PAPPA2: variants seen among roughly 807,000 people sequenced by gnomAD.
PAPPA2 encodes pappalysin-2.
A neutral mutation model predicts 176.4 loss-of-function variants in PAPPA2; 86 were observed. That is an observed-to-expected ratio of 0.49 (90% confidence interval 0.41 to 0.58). The LOEUF is 0.58. Among genes scored for constraint, PAPPA2 ranks in the 20% least tolerant of loss-of-function variants. The pLI is 0.00. For missense variants in PAPPA2, 2,073 were observed against 2,256.9 expected (o/e 0.92, Z 1.65); for synonymous variants, 809 against 852.2 (o/e 0.95, Z 0.88).
chr1:176,724,493 G>A (rs1185345506), intron 12 of PAPPA2, among the ~76,000 whole-genome samples: 1 of 152,074 alleles, frequency 6.6e-6, no homozygotes, highest in Non-Finnish European at 1.5e-5. Flanking sequence ...TATTTTCGTG[G>A]CTCCTCTAAA....
chr1:176,673,157 G>A (rs1659104127), intron 4 of PAPPA2, among the ~76,000 whole-genome samples: 1 of 152,078 alleles, frequency 6.6e-6, no homozygotes, highest in Admixed American at 6.6e-5. Flanking sequence ...AGTTCCAAAG[G>A]ATTTTTGATA....
intron 3 of PAPPA2, among the ~76,000 whole-genome samples, chr1:176,653,487 A>G (rs1657864307): frequency 6.6e-6 from 1 of 151,714 alleles, no homozygotes; most frequent in African/African-American, 2.4e-5. Flanking sequence ...TCCAAGGTAG[A>G]TCTCCCCTGC....
rs549144324 is a variant in PAPPA2 at position 176,580,783 on chromosome 1, G to A, written c.920-13741G>A. Among the ~76,000 whole-genome samples the A allele has an allele frequency of 1.0e-3, 153 of 152,148 alleles. 1 individual carries two copies. Among genetic ancestry groups the A allele is most frequent in the Non-Finnish European group, 1.8e-3 (125 of 67,978 alleles). On this transcript the variant is annotated intron_variant, in intron 2 of 22. Transcript: ENST00000367662. ...TGTTGGCTATTGTATGTCTTCTTTTGAGAAATATCTGTTCAGATCATTGCT... is the reference window on the plus strand; with the variant it reads ...TGTTGGCTATTGTATGTCTTCTTTTAAGAAATATCTGTTCAGATCATTGCT...
chr1:176,556,463 A>G lies in PAPPA2; in HGVS notation c.141A>G (p.Gly47=). 1 of 1,614,234 alleles carries G rather than the reference A, an allele frequency of 6.2e-7. No individual in the cohort carries two copies. The highest frequency in any genetic ancestry group is 8.5e-7 in the Non-Finnish European group (1 of 1,180,046). ...REHLNQVLLE[G]ERCWLGAKVR... ...ACCTGAATCAGGTGCTGTTGGAAGGAGAACGTTGTTGGCTGGGGGCCAAGG... is the reference window on the plus strand; with the variant it reads ...ACCTGAATCAGGTGCTGTTGGAAGGGGAACGTTGTTGGCTGGGGGCCAAGG... The change falls in exon 2 of 23, where the codon GGA becomes GGG. Residue 47 remains glycine (G), a synonymous_variant. Coordinates refer to ENST00000367662, the MANE Select transcript of PAPPA2 (RefSeq NM_020318.3).
intron 17 of PAPPA2, among the ~76,000 whole-genome samples, chr1:176,782,139 CTCA>C (rs1664747518): frequency 6.6e-6 from 1 of 152,198 alleles, no homozygotes; most frequent in Admixed American, 6.6e-5. Context: ...TGGCATGAGA[CTCA>C]TCATAGTGCA....
chr1:176,463,874 A>G (rs1651492347), intron 1 of PAPPA2, among the ~76,000 whole-genome samples: 1 of 152,082 alleles, frequency 6.6e-6, no homozygotes, highest in African/African-American at 2.4e-5. Context: ...TTAAAGGCAG[A>G]GGGAGTGCTG....
intron 2 of PAPPA2, among the ~76,000 whole-genome samples, chr1:176,566,677 C>T (rs996685090): frequency 3.9e-5 from 6 of 152,154 alleles, no homozygotes; most frequent in African/African-American, 1.4e-4. Context: ...CTTTTGGCAG[C>T]CCACATACAT....
chr1:176,660,380 C>T (rs1658295335), intron 3 of PAPPA2, among the ~76,000 whole-genome samples: 2 of 150,936 alleles, frequency 1.3e-5, no homozygotes, highest in Admixed American at 1.3e-4. Context: ...GTAGATTTTA[C>T]ATCAGAAACT....
intron 1 of PAPPA2, among the ~76,000 whole-genome samples, chr1:176,548,273 T>C (rs1650746125): frequency 1.3e-5 from 2 of 152,100 alleles, no homozygotes; most frequent in African/African-American, 4.8e-5. Flanking sequence ...GGTTGGCTAT[T>C]TGTCTCTTAG....
At chr1:176,802,688 G>A (rs1467432966) in intron 21 of PAPPA2, among the ~76,000 whole-genome samples, 2 of 152,140 alleles carry the variant, frequency 1.3e-5, no homozygotes, top group Admixed American at 1.3e-4. Context: ...TTAATATTTA[G>A]CCTTGTAAGG....
intron 12 of PAPPA2, among the ~76,000 whole-genome samples, chr1:176,738,074 G>T (rs1662500935): frequency 6.6e-6 from 1 of 152,062 alleles, no homozygotes; most frequent in African/African-American, 2.4e-5. Context: ...TTCCCAGGGG[G>T]CTTTGATGTC....
At chr1:176,827,483 A>G (rs1288971040) in intron 21 of PAPPA2, among the ~76,000 whole-genome samples, 2 of 152,144 alleles carry the variant, frequency 1.3e-5, no homozygotes, top group African/African-American at 4.8e-5. Context: ...CCAAAATCCT[A>G]TCCATTCTTC....
At chr1:176,800,907 A>G (rs1300501795) in intron 21 of PAPPA2, among the ~76,000 whole-genome samples, 3 of 152,180 alleles carry the variant, frequency 2.0e-5, no homozygotes, top group Non-Finnish European at 4.4e-5. Flanking sequence ...TTCTTCACAT[A>G]GTAGATTCCC....
In PAPPA2 at chr1:176,720,287, A is replaced by C. The variant is rs186823203; in HGVS notation, c.3798+8306A>C. ...CCTTATTGTAGCCATACCTATACTG[A>C]ATAACATTTTATATTTGTGTATTGT... On this transcript the variant is annotated intron_variant, in intron 12 of 22. Coordinates refer to ENST00000367662, the MANE Select transcript of PAPPA2 (RefSeq NM_020318.3). Among the ~76,000 whole-genome samples the C allele has an allele frequency of 6.0e-3, 914 of 152,288 alleles. 3 individuals are homozygous for C. The highest frequency in any genetic ancestry group is 0.01 in the Non-Finnish European group (692 of 68,016).
intron 1 of PAPPA2, among the ~76,000 whole-genome samples, chr1:176,538,475 AG>A (rs1362249641): frequency 2.6e-5 from 4 of 152,212 alleles, no homozygotes; most frequent in African/African-American, 4.8e-5. Context: ...AATCATGCCA[AG>A]GTCTGTGCCT....
In PAPPA2 at chr1:176,766,262, T is replaced by A. The variant is rs142832302; in HGVS notation, c.4323+425T>A. 5.6e-4 allele frequency among the ~76,000 whole-genome samples: 85 copies of A among 152,294 alleles called. 3 individuals carry two copies. The East Asian group carries it at 7.3e-3, about 13-fold the overall frequency. ...ACTGAAGAAATAGAACCCGATTTTC[T>A]CCCCAGAAGCATTAAAGCTGTTACT... On this transcript the variant is annotated intron_variant, in intron 15 of 22. Transcript: ENST00000367662.
chr1:176,774,640 C>G (rs1053369819), intron 17 of PAPPA2, among the ~76,000 whole-genome samples: 1 of 152,134 alleles, frequency 6.6e-6, no homozygotes, highest in African/African-American at 2.4e-5. Context: ...ATCTTTCTGT[C>G]TCCAGTCTTT....
intron 1 of PAPPA2, among the ~76,000 whole-genome samples, chr1:176,471,281 T>C (rs371059736): frequency 6.6e-6 from 1 of 152,284 alleles, no homozygotes; most frequent in Admixed American, 6.5e-5. Flanking sequence ...CCTTTCCCTC[T>C]AAGTCAATTA....
At position 176,712,029 on chromosome 1, in the gene PAPPA2, ATGTGTG is replaced by A. The variant is rs66731142; in HGVS notation, c.3798+72_3798+77del. The A allele has an allele frequency of 3.2e-3, 4,491 of 1,423,782 alleles. 10 individuals carry two copies. The highest frequency in any genetic ancestry group is 4.0e-3 in the South Asian group (274 of 68,622). 88.2% of individuals were successfully genotyped at this position (1,423,782 alleles called of 1,614,324 possible). Reference sequence around the variant, plus strand: ...TTGTGCATGTGAAAGGTGTAAGCATATGTGTGTGTGTGTGTGTGTGTGTGTGTGTAA... The same window carrying A: ...TTGTGCATGTGAAAGGTGTAAGCATATGTGTGTGTGTGTGTGTGTGTGTAA... On this transcript the variant is annotated intron_variant, in intron 12 of 22. Transcript: ENST00000367662.
Sources: gnomAD v4.1 joint callset for allele counts (sites outside exome capture counted in the v4.1 genomes callset) on GRCh38, gnomAD v4.1.1 for gene constraint, MANE v1.5 for transcripts, NCBI Gene and HGNC (gene_info 2026-07-23, HGNC 2026-07-21) for gene names.